USP9X: variants seen among roughly 807,000 people sequenced by gnomAD.
The protein encoded by USP9X is ubiquitin carboxyl-terminal hydrolase 9X.
USP9X carries 7 observed loss-of-function variants against 190.3 expected under a neutral mutation model. The ratio of observed to expected loss-of-function variants is 0.04; its 90% confidence interval spans 0.02 to 0.07. USP9X has a LOEUF of 0.07. Ranked by LOEUF, USP9X falls within the 10% of genes least tolerant of loss-of-function variation. USP9X has a pLI of 1.00. For synonymous variants in USP9X, 645 were observed against 659.5 expected (o/e 0.98, Z 0.34); for missense variants, 1,010 against 1,916.9 (o/e 0.53, Z 8.83).
At chrX:41,167,910 C>A (rs1276583606) in intron 17 of USP9X, 97 bp from the exon 18 acceptor site, 2 of 664,716 alleles carry the variant, frequency 3.0e-6, no homozygotes, top group East Asian at 3.4e-5. Flanking sequence ...TTGAGTGCTA[C>A]AATTAAATCA....
chrX:41,104,793 A>G (rs1373681576), intron 1 of USP9X, among the ~76,000 whole-genome samples: 2 of 108,104 alleles, frequency 1.9e-5, no homozygotes, highest in Admixed American at 1.0e-4. Context: ...CTTGAGAGAG[A>G]AAAAAAAAAG....
chrX:41,175,535 A>T (rs1050208424), intron 21 of USP9X, among the ~76,000 whole-genome samples: 2 of 110,676 alleles, frequency 1.8e-5, no homozygotes, highest in East Asian at 2.8e-4. Flanking sequence ...AAAAAAAAAA[A>T]TTTAAAAAAG....
At chrX:41,191,216 C>G (rs1401337837) in intron 26 of USP9X, among the ~76,000 whole-genome samples, 1 of 108,162 alleles carries the variant, frequency 9.2e-6, no homozygotes, top group Admixed American at 1.0e-4. Context: ...GTAATCCCAG[C>G]TACTTGGGAG....
chrX:41,179,223 G>A (rs1195709314), intron 21 of USP9X, among the ~76,000 whole-genome samples: 1 of 110,344 alleles, frequency 9.1e-6, no homozygotes, highest in African/African-American at 3.4e-5. Flanking sequence ...TGAATTTTAG[G>A]AGTGTTTTTT....
intron 11 of USP9X, among the ~76,000 whole-genome samples, chrX:41,148,061 G>A (rs2267496): frequency 0.13 from 14,714 of 110,596 alleles, 898 homozygotes; most frequent in East Asian, 0.21. Flanking sequence ...TTAGTACCCT[G>A]CCCTTCCCCA....
chrX:41,114,875 G>C (rs1356626159), intron 1 of USP9X, among the ~76,000 whole-genome samples: 1 of 110,901 alleles, frequency 9.0e-6, no homozygotes, highest in Non-Finnish European at 1.9e-5. Context: ...TTTATGATCA[G>C]TAAGGCTTCT....
At chrX:41,182,185 A>C (rs1357423786) in intron 21 of USP9X, among the ~76,000 whole-genome samples, 1 of 111,579 alleles carries the variant, frequency 9.0e-6, no homozygotes, top group Non-Finnish European at 1.9e-5. Context: ...CAGCCTGGGC[A>C]ACATGGCATA....
chrX:41,156,062 G>C (rs1235708457), intron 14 of USP9X, among the ~76,000 whole-genome samples: 2 of 112,284 alleles, frequency 1.8e-5, no homozygotes, highest in Non-Finnish European at 3.8e-5. Context: ...TTCACGTCTG[G>C]AATGGCAGAA....
intron 1 of USP9X, among the ~76,000 whole-genome samples, chrX:41,087,485 A>G (rs1224805175): frequency 8.9e-6 from 1 of 112,428 alleles, no homozygotes; most frequent in Non-Finnish European, 1.9e-5. Flanking sequence ...TTTTGGTTTC[A>G]GCAAATACCT....
At chrX:41,157,537 A>AAT (rs1242049896) in intron 14 of USP9X, among the ~76,000 whole-genome samples, 5 of 110,997 alleles carry the variant, frequency 4.5e-5, no homozygotes, top group Non-Finnish European at 9.4e-5. Context: ...CTGTGAGGGA[A>AAT]ATAGACTATG....
intron 14 of USP9X, 78 bp from the exon 15 acceptor site, chrX:41,162,712 C>G: frequency 1.2e-6 from 1 of 800,084 alleles, no homozygotes. Flanking sequence ...TTTAACTGGC[C>G]TAATTTCTTT....
At chrX:41,227,480 C>T (rs1258569773) in intron 41 of USP9X, among the ~76,000 whole-genome samples, 2 of 111,770 alleles carry the variant, frequency 1.8e-5, no homozygotes, top group Non-Finnish European at 3.8e-5. Context: ...GTTTGGAAAT[C>T]ATGAATGCAT....
At chrX:41,217,146 A>G in intron 35 of USP9X, 74 bp from the exon 36 acceptor site, 1 of 1,100,243 alleles carries the variant, frequency 9.1e-7, no homozygotes, top group Non-Finnish European at 1.2e-6. Context: ...CTCAAAATTA[A>G]TGGAAACACA....
intron 1 of USP9X, among the ~76,000 whole-genome samples, chrX:41,119,153 C>G (rs1322015677): frequency 9.0e-6 from 1 of 111,528 alleles, no homozygotes; most frequent in Non-Finnish European, 1.9e-5. Context: ...GACCTTCTGG[C>G]TTAAAGCAGT....
chrX:41,086,887 G>C (rs1315092771), intron 1 of USP9X, among the ~76,000 whole-genome samples: 1 of 112,749 alleles, frequency 8.9e-6, no homozygotes, highest in Admixed American at 9.3e-5. Context: ...GTGACGTGAG[G>C]CTTAGGGTTG....
chrX:41,142,063 C>T (rs2062427523), intron 9 of USP9X, among the ~76,000 whole-genome samples: 1 of 111,195 alleles, frequency 9.0e-6, no homozygotes, highest in South Asian at 3.8e-4. Context: ...TCCTTGCCCT[C>T]AAGGAGCCCT....
In USP9X at chrX:41,197,352, C is replaced by CCCCCCCGGGGCGG; in HGVS notation, c.4234-12_4234-11insCCCCCCGGGGCGG. On this transcript the variant is annotated splice_polypyrimidine_tract_variant and intron_variant, in intron 28 of 44. Coordinates refer to ENST00000378308, the MANE Select transcript of USP9X (RefSeq NM_001039591.3). Reference sequence around the variant, plus strand: ...TTCTTCCCCCCCCCACCCCACCCCCCGCCTTTGGCAGGATGATGTTAAAAG... The same window carrying CCCCCCCGGGGCGG: ...TTCTTCCCCCCCCCACCCCACCCCCCCCCCCCGGGGCGGGCCTTTGGCAGGATGATGTTAAAAG... 1 of 988,230 alleles carries CCCCCCCGGGGCGG rather than the reference C, an allele frequency of 1.0e-6. No individual in the cohort carries two copies. Among genetic ancestry groups the CCCCCCCGGGGCGG allele is most frequent in the Non-Finnish European group, 1.3e-6 (1 of 759,397 alleles). 81.4% of individuals were successfully genotyped at this position (988,230 alleles called of 1,213,427 possible). A position where few individuals can be genotyped will look rare whatever the true frequency, so the allele number is the denominator to read the frequency against.
chrX:41,105,956 A>AT (rs900351249), intron 1 of USP9X, among the ~76,000 whole-genome samples: 1 of 111,323 alleles, frequency 9.0e-6, no homozygotes, highest in Non-Finnish European at 1.9e-5. Context: ...TCCTTTGCCC[A>AT]TTTTTCAATT....
At chrX:41,125,639 C>T (rs1313892434) in intron 2 of USP9X, among the ~76,000 whole-genome samples, 3 of 86,703 alleles carry the variant, frequency 3.5e-5, no homozygotes, top group African/African-American at 4.3e-5. Flanking sequence ...ACACCCCTCC[C>T]GCCAACACAC....
Sources: gnomAD v4.1 joint callset for allele counts (sites outside exome capture counted in the v4.1 genomes callset) on GRCh38, gnomAD v4.1.1 for gene constraint, MANE v1.5 for transcripts, NCBI Gene and HGNC (gene_info 2026-07-23, HGNC 2026-07-21) for gene names.